RTTN: variants seen among roughly 807,000 people sequenced by gnomAD.
RTTN encodes rotatin.
In RTTN, 182 loss-of-function variants were observed where a neutral mutation model predicts 269.2. The ratio of observed to expected loss-of-function variants is 0.68; its 90% CI spans 0.60 to 0.76. RTTN has a LOEUF of 0.76. Among genes scored for constraint, RTTN ranks in the 30% least tolerant of loss-of-function variants. The pLI, the probability that RTTN is intolerant of heterozygous loss-of-function variation, is 0.00. For missense variants in RTTN, 2,545 were observed against 2,608.6 expected (o/e 0.98, Z 0.53); for synonymous variants, 1,006 against 963.5 (o/e 1.04, Z -0.82).
chr18:70,017,125 G>C (rs865994827), intron 46 of RTTN, among the ~76,000 whole-genome samples: 2 of 152,178 alleles, frequency 1.3e-5, no homozygotes, highest in South Asian at 2.1e-4. Flanking sequence ...AGAGAGGAGA[G>C]GGAGCAGAAG....
At chr18:70,016,971 G>A (rs1466200548) in intron 46 of RTTN, among the ~76,000 whole-genome samples, 2 of 152,054 alleles carry the variant, frequency 1.3e-5, no homozygotes, top group Non-Finnish European at 2.9e-5. Context: ...AACCAGGAAA[G>A]GAAATAGTGA....
At position 70,123,036 on chromosome 18, in the gene RTTN, T is replaced by TA. The variant is rs541922555; in HGVS notation, c.3384-1337dup. 1.1e-4 allele frequency among the ~76,000 whole-genome samples: 17 copies of TA among 150,602 alleles called. No individual in the cohort carries two copies. In the South Asian group the frequency reaches 1.3e-3, roughly 11 times the overall value. On this transcript the variant is annotated intron_variant, in intron 25 of 48. Coordinates refer to ENST00000640769, the MANE Select transcript of RTTN (RefSeq NM_173630.4). ...AGGGCCTATCCCTTTGCCTGGCATTTAAAAAAAAAATTAATTTGTATAATA... is the reference window on the plus strand; with the variant it reads ...AGGGCCTATCCCTTTGCCTGGCATTTAAAAAAAAAAATTAATTTGTATAATA...
chr18:70,083,927 A>G (rs550840200), intron 32 of RTTN, among the ~76,000 whole-genome samples: 25 of 150,820 alleles, frequency 1.7e-4, no homozygotes, highest in Non-Finnish European at 3.2e-4. Flanking sequence ...TTAAGTACAT[A>G]CAGAAAAAGT....
chr18:70,149,820 C>A, intron 16 of RTTN, 151 bp downstream of exon 16: 1 of 631,164 alleles, frequency 1.6e-6, no homozygotes, highest in Non-Finnish European at 2.9e-6. Context: ...AACAAGACAG[C>A]CACCCACTTC....
chr18:70,162,690 G>A (rs114138320), intron 14 of RTTN, among the ~76,000 whole-genome samples: 2,492 of 152,028 alleles, frequency 0.016, 64 homozygotes, highest in African/African-American at 0.055. Context: ...GGGGATTACA[G>A]AATTACAATT....
chr18:70,045,112 A>G (rs567630680), intron 40 of RTTN, among the ~76,000 whole-genome samples: 29 of 152,360 alleles, frequency 1.9e-4, no homozygotes, highest in African/African-American at 6.7e-4. Flanking sequence ...ACTTAGAAAA[A>G]AACACTTACA....
intron 34 of RTTN, among the ~76,000 whole-genome samples, chr18:70,073,335 C>T (rs1340274338): frequency 6.6e-6 from 1 of 151,990 alleles, no homozygotes; most frequent in East Asian, 1.9e-4. Flanking sequence ...TGCAAACAGG[C>T]ATATATAAAT....
chr18:70,089,306 G>A (rs967220215), intron 30 of RTTN, among the ~76,000 whole-genome samples: 4 of 152,174 alleles, frequency 2.6e-5, no homozygotes, highest in African/African-American at 7.2e-5. Context: ...CTCCATGTGC[G>A]TGCTCCAAGG....
rs146881512 is a variant in RTTN, at chr18:70,168,885, G to A, written c.1659C>T (p.Thr553=). The change falls in exon 12 of 49, where the codon ACC becomes ACT. Residue 553 remains threonine (T), a synonymous_variant. Transcript: ENST00000640769. ...TAEAVYSIEC[T]CNFLSDIGKE... ...TCCCAATATCAGACAGGAAGTTACA[G>A]GTGCATTCAATTGAATAAACGGCCT... 53 of 1,612,258 alleles carry A rather than the reference G, an allele frequency of 3.3e-5. No homozygotes were observed. Among genetic ancestry groups the A allele is most frequent in the Middle Eastern group, 3.4e-4 (2 of 5,820 alleles).
At position 70,122,907 on chromosome 18, in the gene RTTN, A is replaced by G. The variant is rs2059774677; in HGVS notation, c.3384-1207T>C. 2.0e-5 allele frequency among the ~76,000 whole-genome samples: 3 copies of G among 152,068 alleles called. 1 individual carries two copies. Among genetic ancestry groups the G allele is most frequent in the Non-Finnish European group, 4.4e-5 (3 of 67,988 alleles). ...ATATCCAGTGTAACATTAAAATATC[A>G]CCTCTGTAACCCCATTTTATAACCA... is the stretch of plus-strand genomic sequence containing the variant. On this transcript the variant is annotated intron_variant, in intron 25 of 48. Transcript: ENST00000640769.
At chr18:70,148,866 A>C in intron 17 of RTTN, 35 bp downstream of exon 17, 1 of 1,609,830 alleles carries the variant, frequency 6.2e-7, no homozygotes, top group Non-Finnish European at 8.5e-7. Context: ...TGTTTCCATC[A>C]ATCTTTGACG....
At chr18:70,143,959 A>T (rs2060325199) in intron 18 of RTTN, among the ~76,000 whole-genome samples, 1 of 151,822 alleles carries the variant, frequency 6.6e-6, no homozygotes, top group African/African-American at 2.4e-5. Flanking sequence ...TCCTGGGCTC[A>T]GGTGATTCTC....
chr18:70,010,330 C>T (rs1159587601), intron 46 of RTTN, among the ~76,000 whole-genome samples: 1 of 152,124 alleles, frequency 6.6e-6, no homozygotes, highest in Admixed American at 6.5e-5. Flanking sequence ...TGACCACATA[C>T]TTGGAAGTAA....
chr18:70,162,433 A>C (rs890050989), intron 14 of RTTN, among the ~76,000 whole-genome samples: 2 of 152,232 alleles, frequency 1.3e-5, no homozygotes, highest in African/African-American at 4.8e-5. Flanking sequence ...TGGGTAATAC[A>C]TAAGGAAAGA....
At chr18:70,194,861 CAGAT>C (rs1179835336) in intron 7 of RTTN, 1 of 152,094 alleles carries the variant, frequency 6.6e-6, no homozygotes, top group African/African-American at 2.4e-5. Flanking sequence ...GGTTTAGAAA[CAGAT>C]AGTGGTGATG....
Position 70,142,397 on chromosome 18 carries a change from A to C in RTTN, c.2482-10T>G, listed in dbSNP as rs757617910. ...TTTCAACAGTCTCCAACTACAAACCAAAAAAAAAAAAAAACCAAAATTACA... is the reference window on the plus strand; with the variant it reads ...TTTCAACAGTCTCCAACTACAAACCCAAAAAAAAAAAAAACCAAAATTACA... On this transcript the variant is annotated splice_polypyrimidine_tract_variant and intron_variant, in intron 18 of 48. Transcript: ENST00000640769. 2.1e-6 allele frequency: 1 copy of C among 477,936 alleles called. No individual in the cohort carries two copies. Among genetic ancestry groups the C allele is most frequent in the Non-Finnish European group, 3.1e-6 (1 of 327,626 alleles). 29.6% of individuals were successfully genotyped at this position (477,936 alleles called of 1,614,324 possible).
At chr18:70,092,365 C>T (rs1479794666) in intron 29 of RTTN, 145 bp from the exon 30 acceptor site, 1 of 649,460 alleles carries the variant, frequency 1.5e-6, no homozygotes, top group Non-Finnish European at 2.5e-6. Context: ...CCAAAAAAGG[C>T]AAACAAAAAA....
At chr18:70,014,443 T>C (rs1431560559) in intron 46 of RTTN, among the ~76,000 whole-genome samples, 1 of 152,236 alleles carries the variant, frequency 6.6e-6, no homozygotes, top group African/African-American at 2.4e-5. Context: ...TGTCTCCTAA[T>C]GTGCTTGATT....
At chr18:70,046,776 G>C (rs564913875) in intron 40 of RTTN, among the ~76,000 whole-genome samples, 2 of 152,300 alleles carry the variant, frequency 1.3e-5, no homozygotes, top group South Asian at 2.1e-4. Context: ...TGAAGGCGCT[G>C]CTGGAGATGG....
Sources: gnomAD v4.1 joint callset for allele counts (sites outside exome capture counted in the v4.1 genomes callset) on GRCh38, gnomAD v4.1.1 for gene constraint, MANE v1.5 for transcripts, NCBI Gene and HGNC (gene_info 2026-07-23, HGNC 2026-07-21) for gene names.